The following SPOCK1 variants were observed in gnomAD, a reference collection of about 807,000 sequenced individuals.
SPOCK1 encodes the protein testican-1.
A neutral mutation model predicts 55.3 loss-of-function variants in SPOCK1; 23 were observed. The observed-to-expected ratio is 0.42, with a 90% confidence interval of 0.30 to 0.59. The LOEUF (loss-of-function observed/expected upper bound fraction) is 0.59. Ranked by LOEUF, SPOCK1 falls within the 20% of genes least tolerant of loss-of-function variation. The pLI, the probability that SPOCK1 is intolerant of heterozygous loss-of-function variation, is 0.22. For synonymous variants in SPOCK1, 226 were observed against 221.0 expected, an observed-to-expected ratio of 1.02 and a Z score of -0.20; for missense variants, 499 against 552.5, an observed-to-expected ratio of 0.90 and a Z score of 0.97.
chr5:137,302,305 C>T (rs923413045), intron 2 of SPOCK1, among the ~76,000 whole-genome samples: 3 of 151,946 alleles, frequency 2.0e-5, no homozygotes, highest in Non-Finnish European at 2.9e-5. Flanking sequence ...CGCGGTGGCT[C>T]ACGCCTGTAA....
intron 5 of SPOCK1, among the ~76,000 whole-genome samples, chr5:137,104,647 T>C (rs1012098999): frequency 6.6e-6 from 1 of 152,070 alleles, no homozygotes; most frequent in Non-Finnish European, 1.5e-5. Flanking sequence ...TAGATTCTCA[T>C]AGGAGTGCGA....
chr5:137,166,435 G>GAAAA (rs755506669), intron 3 of SPOCK1, among the ~76,000 whole-genome samples: 3 of 137,690 alleles, frequency 2.2e-5, no homozygotes, highest in African/African-American at 8.0e-5. Flanking sequence ...ACTTCAATTA[G>GAAAA]AAAAAAAAAA....
intron 2 of SPOCK1, among the ~76,000 whole-genome samples, chr5:137,459,726 C>A (rs985175582): frequency 6.6e-6 from 1 of 152,050 alleles, no homozygotes; most frequent in East Asian, 1.9e-4. Context: ...CAGGAGCTGA[C>A]GGTACACTGG....
At chr5:137,303,997 T>C (rs1321256011) in intron 2 of SPOCK1, among the ~76,000 whole-genome samples, 4 of 152,126 alleles carry the variant, frequency 2.6e-5, no homozygotes, top group Admixed American at 2.0e-4. Context: ...GGTGATGACG[T>C]AGGCATCCTT....
intron 5 of SPOCK1, among the ~76,000 whole-genome samples, chr5:137,081,959 C>T (rs921041929): frequency 2.0e-5 from 3 of 152,152 alleles, no homozygotes; most frequent in Admixed American, 1.3e-4. Flanking sequence ...CTTTTGATTA[C>T]ACAGTTTTTC....
intron 3 of SPOCK1, among the ~76,000 whole-genome samples, chr5:137,215,881 T>A (rs1321835027): frequency 6.6e-6 from 1 of 152,206 alleles, no homozygotes; most frequent in Admixed American, 6.5e-5. Context: ...TAGGAACACA[T>A]AACTACCTAT....
intron 2 of SPOCK1, among the ~76,000 whole-genome samples, chr5:137,441,975 T>C (rs1368020514): frequency 3.9e-5 from 6 of 152,140 alleles, no homozygotes; most frequent in African/African-American, 1.4e-4. Flanking sequence ...CCACAGGGTG[T>C]TTGATAGCAT....
intron 2 of SPOCK1, among the ~76,000 whole-genome samples, chr5:137,372,715 A>G (rs1201595245): frequency 2.0e-5 from 3 of 152,258 alleles, no homozygotes; most frequent in Non-Finnish European, 4.4e-5. Context: ...CTAAGCACAG[A>G]AAAATATGGA....
chr5:137,170,715 G>A (rs1163455980), intron 3 of SPOCK1, among the ~76,000 whole-genome samples: 2 of 152,018 alleles, frequency 1.3e-5, no homozygotes, highest in South Asian at 4.1e-4. Flanking sequence ...TAATTATGCT[G>A]CCTCCCTGAT....
chr5:137,340,860 G>A (rs1750404955), intron 2 of SPOCK1, among the ~76,000 whole-genome samples: 1 of 148,952 alleles, frequency 6.7e-6, no homozygotes, highest in African/African-American at 2.5e-5. Context: ...CAGCCTGGGT[G>A]ACACAGTGAG....
chr5:137,075,177 A>C (rs1752733165), intron 5 of SPOCK1, among the ~76,000 whole-genome samples: 1 of 152,214 alleles, frequency 6.6e-6, no homozygotes, highest in East Asian at 1.9e-4. Flanking sequence ...TCATTGCATT[A>C]TTCTTTAAAT....
At chr5:137,374,197 G>C (rs1408889882) in intron 2 of SPOCK1, among the ~76,000 whole-genome samples, 1 of 152,220 alleles carries the variant, frequency 6.6e-6, no homozygotes, top group Non-Finnish European at 1.5e-5. Flanking sequence ...TCTGGGCCTG[G>C]CTCCAAAAGA....
chr5:137,364,352 G>C (rs1474246221), intron 2 of SPOCK1, among the ~76,000 whole-genome samples: 1 of 152,156 alleles, frequency 6.6e-6, no homozygotes, highest in African/African-American at 2.4e-5. Context: ...GGCACCATGG[G>C]GCTTAACACT....
intron 2 of SPOCK1, among the ~76,000 whole-genome samples, chr5:137,336,652 A>G (rs921967762): frequency 6.6e-5 from 10 of 152,294 alleles, no homozygotes; most frequent in African/African-American, 2.2e-4. Context: ...GAGGTCAGCA[A>G]TCAGGCTGCA....
chr5:137,116,842 C>T (rs940652059), intron 4 of SPOCK1, among the ~76,000 whole-genome samples: 1 of 152,126 alleles, frequency 6.6e-6, no homozygotes, highest in African/African-American at 2.4e-5. Flanking sequence ...AGAGCCAGCT[C>T]TTTCCCATGT....
intron 6 of SPOCK1, among the ~76,000 whole-genome samples, chr5:137,059,193 C>T (rs1041974552): frequency 6.2e-5 from 6 of 96,742 alleles, no homozygotes; most frequent in Non-Finnish European, 7.2e-5. Flanking sequence ...AGTGGAAATG[C>T]TAAGTAGTCA....
intron 2 of SPOCK1, among the ~76,000 whole-genome samples, chr5:137,360,426 C>A (rs953500377): frequency 6.6e-6 from 1 of 152,184 alleles, no homozygotes; most frequent in African/African-American, 2.4e-5. Flanking sequence ...CGGGATCTCA[C>A]AACAGTGCTG....
chr5:137,319,500 A>G (rs998815291), intron 2 of SPOCK1, among the ~76,000 whole-genome samples: 7 of 152,246 alleles, frequency 4.6e-5, no homozygotes, highest in African/African-American at 1.7e-4. Flanking sequence ...GAAGGCATCA[A>G]TGATAAAACT....
At chr5:137,448,637 T>A (rs1753181079) in intron 2 of SPOCK1, among the ~76,000 whole-genome samples, 1 of 152,254 alleles carries the variant, frequency 6.6e-6, no homozygotes, top group East Asian at 1.9e-4. Context: ...AACTTTACAG[T>A]AAAATTTCCT....
Sources: allele counts gnomAD v4.1 joint callset (sites outside exome capture counted in the v4.1 genomes callset), GRCh38; gene constraint gnomAD v4.1.1; transcripts MANE v1.5; gene names NCBI Gene and HGNC (gene_info 2026-07-23, HGNC 2026-07-21).